The following GRIN2A variants were observed in gnomAD, a reference collection of about 807,000 sequenced individuals.
GRIN2A encodes the protein glutamate receptor ionotropic, NMDA 2A.
In GRIN2A, 22 loss-of-function variants were observed where a neutral mutation model predicts 113.4. That is an observed-to-expected ratio of 0.19 (90% CI 0.14 to 0.28). GRIN2A has a LOEUF of 0.28. Ranked by LOEUF, GRIN2A falls within the 10% of genes least tolerant of loss-of-function variation. GRIN2A has a pLI of 1.00. For missense variants in GRIN2A, 1,502 were observed against 1,887.0 expected (o/e 0.80, Z 3.78); for synonymous variants, 827 against 738.4 (o/e 1.12, Z -1.94).
At chr16:9,990,563 GCACACA>G (rs71157799) in intron 2 of GRIN2A, among the ~76,000 whole-genome samples, 2,357 of 124,410 alleles carry the variant, frequency 0.019, 45 homozygotes, top group African/African-American at 0.045. Context: ...GCGCGCGCGC[GCACACA>G]CACACACACA....
chr16:9,760,247 T>C lies in GRIN2A; in HGVS notation c.*2902A>G, dbSNP rs1047213109. ...ATTTAATTCTTGTTACTTCTCATAC[T>C]GTGGGTTCCATTTACCACTGGACGT... On this transcript the variant is annotated 3_prime_UTR_variant, in exon 13 of 13. Transcript: ENST00000330684. The C allele has an allele frequency of 1.3e-5, 3 of 228,838 alleles. No individual in the cohort carries two copies. Among genetic ancestry groups the C allele is most frequent in the African/African-American group, 6.6e-5 (3 of 45,146 alleles). 14.2% of individuals were successfully genotyped at this position (228,838 alleles called of 1,614,324 possible).
At chr16:9,840,186 C>A (rs1422887772) in intron 7 of GRIN2A, among the ~76,000 whole-genome samples, 1 of 152,124 alleles carries the variant, frequency 6.6e-6, no homozygotes, top group African/African-American at 2.4e-5. Flanking sequence ...CACAGTTCCA[C>A]ATGGCTGGGG....
chr16:9,911,577 C>T lies in GRIN2A; in HGVS notation c.1008-20477G>A, dbSNP rs78330742. On this transcript the variant is annotated intron_variant, in intron 3 of 12. Coordinates refer to ENST00000330684, the MANE Select transcript of GRIN2A (RefSeq NM_001134407.3). ...GAGAATTCATCGAGAGTCCTGAGCA[C>T]CATCCCAATCCCTGTATCCAGTGGC... is the stretch of plus-strand genomic sequence containing the variant. Among the ~76,000 whole-genome samples, 815 of 152,218 alleles carry T rather than the reference C, an allele frequency of 5.4e-3. 10 individuals are homozygous for T. Among genetic ancestry groups the T allele is most frequent in the African/African-American group, 0.018 (757 of 41,550 alleles).
In GRIN2A at chr16:9,963,339, C is replaced by T. The variant is rs532491199; in HGVS notation, c.415-24788G>A. ...TGCAGGTTTGTTACATAGGTATACA[C>T]GTGCCATGGTGGTTGGCTGCCCCTA... is the stretch of plus-strand genomic sequence containing the variant. On this transcript the variant is annotated intron_variant, in intron 2 of 12. Transcript: ENST00000330684. Among the ~76,000 whole-genome samples, 8 of 152,068 alleles carry T rather than the reference C, an allele frequency of 5.3e-5. No homozygotes were observed. The South Asian group carries it at 1.2e-3, about 24-fold the overall frequency.
At chr16:10,176,003 CTTTTT>C (rs34994079) in intron 2 of GRIN2A, among the ~76,000 whole-genome samples, 2 of 125,848 alleles carry the variant, frequency 1.6e-5, no homozygotes, top group African/African-American at 2.9e-5. Context: ...AATTTTCCTT[CTTTTT>C]TTTTTTTTTT....
chr16:9,781,403 C>G (rs1901927635), intron 11 of GRIN2A, among the ~76,000 whole-genome samples: 1 of 152,152 alleles, frequency 6.6e-6, no homozygotes, highest in African/African-American at 2.4e-5. Flanking sequence ...TTCTGTCACC[C>G]ATGCTGGAGT....
intron 5 of GRIN2A, among the ~76,000 whole-genome samples, chr16:9,843,003 CAG>C (rs1419403842): frequency 1.5e-5 from 2 of 133,844 alleles, no homozygotes; most frequent in Non-Finnish European, 3.2e-5. Context: ...AAGAGAGAAA[CAG>C]AAAGAGAAAA....
chr16:10,019,691 G>T (rs1427272706), intron 2 of GRIN2A, among the ~76,000 whole-genome samples: 2 of 152,198 alleles, frequency 1.3e-5, no homozygotes, highest in South Asian at 4.1e-4. Flanking sequence ...ATTGCAGCCA[G>T]GTCTGTGTCA....
At chr16:9,959,028 T>G (rs929613969) in intron 2 of GRIN2A, among the ~76,000 whole-genome samples, 1 of 152,198 alleles carries the variant, frequency 6.6e-6, no homozygotes, top group South Asian at 2.1e-4. Context: ...ATGCCCCAAA[T>G]TTTTACAACC....
At chr16:9,991,274 G>C (rs1029381828) in intron 2 of GRIN2A, among the ~76,000 whole-genome samples, 5 of 152,166 alleles carry the variant, frequency 3.3e-5, no homozygotes, top group African/African-American at 9.7e-5. Flanking sequence ...CCAAGTCCTA[G>C]ATAGAGGAAA....
chr16:9,973,620 C>A (rs2045716682), intron 2 of GRIN2A, among the ~76,000 whole-genome samples: 1 of 152,106 alleles, frequency 6.6e-6, no homozygotes, highest in Non-Finnish European at 1.5e-5. Context: ...ATGCTAGGCA[C>A]ATCACAGTCA....
rs143474360 is a variant in GRIN2A, at chr16:9,979,538, T to C, written c.415-40987A>G. Among the ~76,000 whole-genome samples the C allele has an allele frequency of 1.4e-3, 219 of 152,212 alleles. 3 individuals carry two copies. Among genetic ancestry groups the C allele is most frequent in the African/African-American group, 5.2e-3 (214 of 41,534 alleles). Reference sequence around the variant, plus strand: ...GCCTTTTCTTGCTAGAGCAGGGTCTTTGTCCATCAGTCTTCACCACAGCTC... The same window carrying C: ...GCCTTTTCTTGCTAGAGCAGGGTCTCTGTCCATCAGTCTTCACCACAGCTC... On this transcript the variant is annotated intron_variant, in intron 2 of 12. Coordinates refer to ENST00000330684, the MANE Select transcript of GRIN2A (RefSeq NM_001134407.3).
At position 9,849,939 on chromosome 16, in the gene GRIN2A, G is replaced by C. The variant is rs1394587285; in HGVS notation, c.1145C>G (p.Thr382Arg). Residue 382 changes from threonine (T) to arginine (R), a missense_variant, in exon 5 of 13, where the codon ACG becomes AGG. Physicochemically the swap from Thr to Arg is moderately conservative, Grantham distance 71. Coordinates refer to ENST00000330684, the MANE Select transcript of GRIN2A (RefSeq NM_001134407.3). Reference sequence around the variant, plus strand: ...CCACACGGCGTGCCTCAGGCTCAGCGTATGGTTCTCCCACTTGCCCACCTG... The same window carrying C: ...CCACACGGCGTGCCTCAGGCTCAGCCTATGGTTCTCCCACTTGCCCACCTG... Reference protein sequence around the residue: ...WEKVGKWENHTLSLRHAVWPR... With the variant: ...WEKVGKWENHRLSLRHAVWPR... 1 of 1,613,964 alleles carries C rather than the reference G, an allele frequency of 6.2e-7. No homozygotes were observed. Among genetic ancestry groups the C allele is most frequent in the Admixed American group, 1.7e-5 (1 of 60,028 alleles).
At chr16:9,878,472 G>A (rs887648997) in intron 4 of GRIN2A, among the ~76,000 whole-genome samples, 1 of 152,142 alleles carries the variant, frequency 6.6e-6, no homozygotes, top group African/African-American at 2.4e-5. Context: ...TTTTAGATAT[G>A]AGAAAATGCA....
intron 2 of GRIN2A, among the ~76,000 whole-genome samples, chr16:10,156,602 TTCTG>T (rs1384022464): frequency 6.6e-6 from 1 of 152,162 alleles, no homozygotes; most frequent in Non-Finnish European, 1.5e-5. Flanking sequence ...GGGGAGGCCA[TTCTG>T]TCTGTCTTCT....
At chr16:9,955,983 T>C (rs921522479) in intron 2 of GRIN2A, among the ~76,000 whole-genome samples, 3 of 152,240 alleles carry the variant, frequency 2.0e-5, no homozygotes, top group Non-Finnish European at 2.9e-5. Context: ...TTCCTATCAT[T>C]GGTTCCATCA....
At position 9,798,380 on chromosome 16, in the gene GRIN2A, C is replaced by A; in HGVS notation, c.2253G>T (p.Gly751=). 1.9e-6 allele frequency: 3 copies of A among 1,613,952 alleles called. No homozygotes were observed. The highest frequency in any genetic ancestry group is 2.5e-6 in the Non-Finnish European group (3 of 1,179,832). The change falls in exon 11 of 13, where the codon GGG becomes GGT. Residue 751 remains glycine (G), a synonymous_variant. Coordinates refer to ENST00000330684, the MANE Select transcript of GRIN2A (RefSeq NM_001134407.3). Reference sequence around the variant, plus strand: ...CGGTGGTGGCAAAGATGTACCCACTCCCGATGGTCACCAGCTTGCAGCCTT... The same window carrying A: ...CGGTGGTGGCAAAGATGTACCCACTACCGATGGTCACCAGCTTGCAGCCTT... ...RDEGCKLVTI[G]SGYIFATTGY...
chr16:9,883,783 G>C (rs1386528508), intron 4 of GRIN2A, among the ~76,000 whole-genome samples: 1 of 152,164 alleles, frequency 6.6e-6, no homozygotes, highest in Non-Finnish European at 1.5e-5. Flanking sequence ...GGAGAGATCT[G>C]GTTGTATTTC....
intron 3 of GRIN2A, among the ~76,000 whole-genome samples, chr16:9,897,221 A>T (rs749288349): frequency 6.7e-6 from 1 of 149,224 alleles, no homozygotes; most frequent in East Asian, 1.9e-4. Flanking sequence ...TTATATATAT[A>T]AAAAAATACA....
Sources: allele counts gnomAD v4.1 joint callset (sites outside exome capture counted in the v4.1 genomes callset), GRCh38; gene constraint gnomAD v4.1.1; transcripts MANE v1.5; gene names NCBI Gene and HGNC (gene_info 2026-07-23, HGNC 2026-07-21).